The following NEK10 variants were observed in gnomAD, a reference collection of about 807,000 sequenced individuals.
NEK10 encodes the protein serine/threonine-protein kinase Nek10.
Under a neutral mutation model 159.8 loss-of-function variants are expected in NEK10, and 122 were observed. That is an observed-to-expected ratio of 0.76 (90% CI 0.66 to 0.89). The LOEUF (loss-of-function observed/expected upper bound fraction) is 0.89. NEK10 is among the 40% of genes least tolerant of loss of function. The pLI is 0.00. For missense variants in NEK10, 1,342 were observed against 1,323.1 expected, an observed-to-expected ratio of 1.01 and a Z score of -0.22; for synonymous variants, 466 against 457.1, an observed-to-expected ratio of 1.02 and a Z score of -0.25.
At position 27,188,568 on chromosome 3, in the gene NEK10, G is replaced by C. The variant is rs577132514; in HGVS notation, c.2505+3461C>G. Among the ~76,000 whole-genome samples the C allele has an allele frequency of 1.7e-3, 257 of 152,228 alleles. 3 individuals carry two copies. Among genetic ancestry groups the C allele is most frequent in the Non-Finnish European group, 3.0e-3 (207 of 68,008 alleles). ...ATCATTCAGCCTTTAAATAGGGGTGGTGAAGATAAACTTCCTGTCAAATAT... is the reference window on the plus strand; with the variant it reads ...ATCATTCAGCCTTTAAATAGGGGTGCTGAAGATAAACTTCCTGTCAAATAT... On this transcript the variant is annotated intron_variant, in intron 26 of 35. Transcript: ENST00000691995.
intron 1 of NEK10, among the ~76,000 whole-genome samples, chr3:27,355,361 A>C (rs1228461830): frequency 5.3e-5 from 8 of 152,060 alleles, no homozygotes; most frequent in Admixed American, 5.2e-4. Context: ...TCCTAAATTC[A>C]CAAAGTCACT....
intron 19 of NEK10, 134 bp downstream of exon 19, chr3:27,290,483 T>C (rs2042920124): frequency 1.6e-6 from 1 of 629,204 alleles, no homozygotes; most frequent in Admixed American, 3.7e-5. Context: ...CTGGCAAAAA[T>C]ATCACTGCTT....
chr3:27,306,883 C>T (rs1256682871), intron 11 of NEK10, among the ~76,000 whole-genome samples: 8 of 152,092 alleles, frequency 5.3e-5, no homozygotes, highest in Admixed American at 5.2e-4. Context: ...CTCTAACACA[C>T]CCAATTTCAT....
At chr3:27,349,146 G>A (rs4973729) in intron 3 of NEK10, among the ~76,000 whole-genome samples, 23,208 of 151,794 alleles carry the variant, frequency 0.15, 1,942 homozygotes, top group Non-Finnish European at 0.19. Context: ...AAACTTCAAC[G>A]TTCTCTGTTG....
At chr3:27,271,021 T>TGA (rs2041294187) in intron 22 of NEK10, among the ~76,000 whole-genome samples, 1 of 152,194 alleles carries the variant, frequency 6.6e-6, no homozygotes, top group Admixed American at 6.5e-5. Context: ...GTATGAAAGA[T>TGA]CCATGAGAGG....
At chr3:27,150,681 T>A (rs1302311947) in intron 30 of NEK10, among the ~76,000 whole-genome samples, 1 of 152,232 alleles carries the variant, frequency 6.6e-6, no homozygotes, top group Non-Finnish European at 1.5e-5. Context: ...TTTTCATGTA[T>A]GCTAACATAA....
rs746525740 is a variant in NEK10 at position 27,284,919 on chromosome 3, G to A, written c.1832C>T (p.Pro611Leu). The A allele has an allele frequency of 9.3e-6, 15 of 1,604,342 alleles. No individual in the cohort carries two copies. The highest frequency in any genetic ancestry group is 6.7e-5 in the Admixed American group (4 of 59,954). ...YIVMELIEGA[P>L]LGEHFSSLKE... ...CAAAGAACTGAAATGCTCTCCAAGCGGGGCTCCTTCTATCAGCTCCATAAC... is the reference window on the plus strand; with the variant it reads ...CAAAGAACTGAAATGCTCTCCAAGCAGGGCTCCTTCTATCAGCTCCATAAC... Residue 611 changes from proline to leucine, a missense_variant, in exon 21 of 36, where the codon CCG becomes CTG. Pro to Leu is a moderately conservative substitution (Grantham distance 98). Transcript: ENST00000691995.
At chr3:27,273,108 G>C (rs1363985282) in intron 22 of NEK10, among the ~76,000 whole-genome samples, 2 of 152,144 alleles carry the variant, frequency 1.3e-5, no homozygotes, top group East Asian at 3.9e-4. Flanking sequence ...AGAGGAAATG[G>C]CATGCTCAAA....
intron 1 of NEK10, among the ~76,000 whole-genome samples, chr3:27,366,329 A>G (rs2049083501): frequency 6.6e-6 from 1 of 152,182 alleles, no homozygotes; most frequent in South Asian, 2.1e-4. Flanking sequence ...ACTCTGCTCT[A>G]CTGCGCCCTG....
intron 4 of NEK10, 80 bp downstream of exon 4, chr3:27,346,006 G>T: frequency 7.2e-7 from 1 of 1,379,506 alleles, no homozygotes; most frequent in Non-Finnish European, 1.0e-6. Context: ...TTAAATTTTA[G>T]CTCCTGGGAT....
intron 12 of NEK10, among the ~76,000 whole-genome samples, chr3:27,304,204 A>G (rs893199904): frequency 3.9e-5 from 6 of 152,216 alleles, no homozygotes; most frequent in Non-Finnish European, 7.3e-5. Flanking sequence ...AGAAAAGTAG[A>G]GAACTGGACT....
chr3:27,326,916 A>G (rs543892629), intron 5 of NEK10, among the ~76,000 whole-genome samples: 7 of 152,360 alleles, frequency 4.6e-5, no homozygotes, highest in African/African-American at 1.2e-4. Flanking sequence ...GGAGAATTGC[A>G]TGCTCTTCAA....
At chr3:27,203,447 A>G (rs1259945685) in intron 23 of NEK10, among the ~76,000 whole-genome samples, 1 of 152,186 alleles carries the variant, frequency 6.6e-6, no homozygotes, top group Admixed American at 6.5e-5. Context: ...ACGGTTCATG[A>G]ATCTATTTTT....
chr3:27,205,152 G>A (rs1384916235), intron 23 of NEK10, among the ~76,000 whole-genome samples: 1 of 151,972 alleles, frequency 6.6e-6, no homozygotes, highest in Non-Finnish European at 1.5e-5. Context: ...CTTTTTGATG[G>A]GGTTGAAGGA....
chr3:27,295,661 T>G lies in NEK10; in HGVS notation c.1260A>C (p.Leu420Phe), dbSNP rs199602784. The change falls in exon 15 of 36, where the codon TTA (leucine) becomes TTC (phenylalanine). Residue 420 changes from leucine to phenylalanine, a missense_variant. Transcript: ENST00000691995. ...CATTCTTTTGCTTATTTGGTAAAATTAATTTTGCTATTGTATATACACCAT... is the reference window on the plus strand; with the variant it reads ...CATTCTTTTGCTTATTTGGTAAAATGAATTTTGCTATTGTATATACACCAT... ...QENGVYTIAKLILPNKQKNAA... is the reference protein window; with the variant it reads ...QENGVYTIAKFILPNKQKNAA... The G allele has an allele frequency of 1.0e-4, 158 of 1,567,516 alleles. No individual in the cohort carries two copies. The African/African-American group carries it at 1.9e-3, about 19-fold the overall frequency.
chr3:27,318,887 G>A (rs1300224526), intron 6 of NEK10, among the ~76,000 whole-genome samples: 1 of 151,978 alleles, frequency 6.6e-6, no homozygotes, highest in Non-Finnish European at 1.5e-5. Context: ...TTGAAGCCAA[G>A]AGCTTGGAAG....
chr3:27,190,401 C>T (rs948816272), intron 26 of NEK10, among the ~76,000 whole-genome samples: 6 of 152,120 alleles, frequency 3.9e-5, no homozygotes, highest in African/African-American at 9.7e-5. Flanking sequence ...AGAGATGATA[C>T]AGGATTAGCC....
chr3:27,297,027 G>A (rs188055996), intron 14 of NEK10, among the ~76,000 whole-genome samples, 152 bp downstream of exon 14: 9 of 152,284 alleles, frequency 5.9e-5, no homozygotes, highest in Non-Finnish European at 1.2e-4. Flanking sequence ...ATATAAAGTG[G>A]AACTTTATTA....
Position 27,225,067 on chromosome 3 carries a change from C to T in NEK10, c.2091-22510G>A, listed in dbSNP as rs192663596. 6.0e-3 allele frequency among the ~76,000 whole-genome samples: 912 copies of T among 152,266 alleles called. 5 individuals carry two copies. Among genetic ancestry groups the T allele is most frequent in the Non-Finnish European group, 9.4e-3 (639 of 68,020 alleles). On this transcript the variant is annotated intron_variant, in intron 23 of 35. Transcript: ENST00000691995. ...TAACTTACACAATTGCAAGGTCCCA[C>T]AATAGGCAGTCTGCAGGCTGAGGAG...
Sources: allele counts gnomAD v4.1 joint callset (sites outside exome capture counted in the v4.1 genomes callset), GRCh38; gene constraint gnomAD v4.1.1; transcripts MANE v1.5; gene names NCBI Gene and HGNC (gene_info 2026-07-23, HGNC 2026-07-21).